CHD5: variants seen among roughly 807,000 people sequenced by gnomAD.
CHD5 encodes chromodomain helicase DNA binding protein 5, also known as ATP-dependent chromatin remodeler CHD5.
CHD5 carries 69 observed loss-of-function variants against 230.3 expected under a neutral mutation model. The ratio of observed to expected loss-of-function variants is 0.30; its 90% CI spans 0.25 to 0.37. The LOEUF is 0.37. Among genes scored for constraint, CHD5 ranks in the 10% least tolerant of loss-of-function variants. The probability of loss-of-function intolerance (pLI) is 1.00; values close to 1 mark genes in which losing one functional copy is unlikely to be tolerated. For synonymous variants in CHD5, 1,064 were observed against 1,065.9 expected, an observed-to-expected ratio of 1.00 and a Z score of 0.03; for missense variants, 1,827 against 2,622.8, an observed-to-expected ratio of 0.70 and a Z score of 6.63.
chr1:6,149,894 T>G (rs1414389293), intron 7 of CHD5, among the ~76,000 whole-genome samples: 2 of 146,818 alleles, frequency 1.4e-5, no homozygotes, highest in African/African-American at 5.1e-5. Flanking sequence ...GATGGATAGA[T>G]GGATGTATAG....
chr1:6,146,466 ATGGTCCCC>A lies in CHD5; in HGVS notation c.1591-51_1591-44del, dbSNP rs754047083. On this transcript the variant is annotated intron_variant, in intron 10 of 41. Coordinates refer to ENST00000262450, the MANE Select transcript of CHD5 (RefSeq NM_015557.3). This position sits in a 1 kb window ranked among gnomAD's most constrained non-coding sequence, Gnocchi z 5.1. ...CAAAGTCACAGAAGGGAGATGGGCC[ATGGTCCCC>A]TGCATCTCCCTACCCAGCTCCTCTA... 6.4e-7 allele frequency: 1 copy of A among 1,573,698 alleles called. No homozygotes were observed. The highest frequency in any genetic ancestry group is 8.7e-7 in the Non-Finnish European group (1 of 1,148,068).
chr1:6,160,959 T>C (rs114037273), intron 2 of CHD5, among the ~76,000 whole-genome samples: 3,364 of 152,318 alleles, frequency 0.022, 127 homozygotes, highest in African/African-American at 0.076. Context: ...CGGGCAGCAC[T>C]GCCATGATCC....
In CHD5 at chr1:6,105,480, A is replaced by G; in HGVS notation, c.*47-53T>C. ...CAGGTGGGCAGTTATAGGGGGCATC[A>G]GGGTGGCACCCAACAGCCTGTAGCT... On this transcript the variant is annotated intron_variant, in intron 41 of 41. Coordinates refer to ENST00000262450, the MANE Select transcript of CHD5 (RefSeq NM_015557.3). The surrounding 1 kb of genome is among the most constrained non-coding windows in gnomAD (Gnocchi z 4.8). 2.2e-6 allele frequency: 1 copy of G among 456,036 alleles called. No individual in the cohort carries two copies. Among genetic ancestry groups the G allele is most frequent in the South Asian group, 1.6e-5 (1 of 62,234 alleles). 28.2% of individuals were successfully genotyped at this position (456,036 alleles called of 1,614,324 possible).
Position 6,106,439 on chromosome 1 carries a change from C to A in CHD5, c.5813G>T (p.Gly1938Val). Residue 1938 changes from glycine to valine, a missense_variant, in exon 40 of 42, where the codon GGG becomes GTG. Gly to Val is a moderately radical substitution (Grantham distance 109). This residue lies in a region of CHD5 where 208 missense variants were observed against 302.0 expected (regional missense o/e 0.69). Transcript: ENST00000262450. ...GPNFRGPGPGGIVNYNQMPLG... is the reference protein window; with the variant it reads ...GPNFRGPGPGVIVNYNQMPLG... ...GGGCATCTGGTTGTAGTTGACAATCCCTCCCGGTCCAGGGCCCCGGAAGTT... is the reference window on the plus strand; with the variant it reads ...GGGCATCTGGTTGTAGTTGACAATCACTCCCGGTCCAGGGCCCCGGAAGTT... The A allele has an allele frequency of 6.3e-7, 1 of 1,576,010 alleles. No homozygotes were observed. The highest frequency in any genetic ancestry group is 8.6e-7 in the Non-Finnish European group (1 of 1,161,272).
intron 3 of CHD5, among the ~76,000 whole-genome samples, chr1:6,158,607 A>C (rs1667115146): frequency 6.6e-6 from 1 of 151,558 alleles, no homozygotes. Flanking sequence ...CAGCCTGGAC[A>C]ACAGAGCAAA....
rs905332353 is a variant in CHD5, at chr1:6,105,056, G to A, written c.*418C>T. 13 of 297,832 alleles carry A rather than the reference G, an allele frequency of 4.4e-5. No homozygotes were observed. Among genetic ancestry groups the A allele is most frequent in the Middle Eastern group, 1.3e-3 (1 of 792 alleles). The allele number at this position is 297,832 out of a possible 1,614,324, so 18.4% of individuals were successfully genotyped here. A position where few individuals can be genotyped will look rare whatever the true frequency, so the allele number is the denominator to read the frequency against. On this transcript the variant is annotated 3_prime_UTR_variant, in exon 42 of 42. Coordinates refer to ENST00000262450, the MANE Select transcript of CHD5 (RefSeq NM_015557.3). This position sits in a 1 kb window ranked among gnomAD's most constrained non-coding sequence, Gnocchi z 4.8. ...GACTACCTTGGGTCTGGAACCCATC[G>A]GTAAAGAGACATCAGTGCTGCAGGT...
chr1:6,131,263 T>C lies in CHD5; in HGVS notation c.3262+368A>G, dbSNP rs1666652833. Among the ~76,000 whole-genome samples the C allele has an allele frequency of 6.6e-6, 1 of 152,114 alleles. No homozygotes were observed. The highest frequency in any genetic ancestry group is 6.5e-5 in the Admixed American group (1 of 15,272). On this transcript the variant is annotated intron_variant, in intron 21 of 41. Coordinates refer to ENST00000262450, the MANE Select transcript of CHD5 (RefSeq NM_015557.3). The surrounding 1 kb of genome is among the most constrained non-coding windows in gnomAD (Gnocchi z 5.0). ...TGTGTGGCCCAGCCCTTTCACTCTC[T>C]CCTGCCTCTGGAAGTGGCCCCAGGT...
intron 6 of CHD5, among the ~76,000 whole-genome samples, chr1:6,151,708 G>A (rs1667011033): frequency 6.6e-6 from 1 of 152,236 alleles, no homozygotes; most frequent in African/African-American, 2.4e-5. Flanking sequence ...CAGCTCCAGG[G>A]CGGGCCACAC....
Position 6,125,095 on chromosome 1 carries a change from T to C in CHD5, c.4394+5A>G, listed in dbSNP as rs1571146092. Reference sequence around the variant, plus strand: ...ACACCCTGGGCCACCACCTAGCCCCTTTACCTAAACTCCTTCTCGCTCTTC... The same window carrying C: ...ACACCCTGGGCCACCACCTAGCCCCCTTACCTAAACTCCTTCTCGCTCTTC... On this transcript the variant is annotated splice_donor_5th_base_variant and intron_variant, in intron 29 of 41. Coordinates refer to ENST00000262450, the MANE Select transcript of CHD5 (RefSeq NM_015557.3). This position sits in a 1 kb window ranked among gnomAD's most constrained non-coding sequence, Gnocchi z 6.7. 1.9e-6 allele frequency: 3 copies of C among 1,580,078 alleles called. No homozygotes were observed. Among genetic ancestry groups the C allele is most frequent in the African/African-American group, 1.3e-5 (1 of 74,308 alleles).
rs1339961139 is a variant in CHD5, at chr1:6,143,687, G to A, written c.2043+136C>T. 4 of 754,904 alleles carry A rather than the reference G, an allele frequency of 5.3e-6. No homozygotes were observed. In the East Asian group the frequency reaches 1.1e-4, roughly 20 times the overall value. 46.8% of individuals were successfully genotyped at this position (754,904 alleles called of 1,614,324 possible). ...CCTTCCAGCTGTCCTAGCCTACATG[G>A]GCATGACACTGTCTGCATAAGCCAT... On this transcript the variant is annotated intron_variant, in intron 13 of 41. Coordinates refer to ENST00000262450, the MANE Select transcript of CHD5 (RefSeq NM_015557.3).
At chr1:6,136,427 G>T in intron 17 of CHD5, 90 bp downstream of exon 17, 1 of 1,466,280 alleles carries the variant, frequency 6.8e-7, no homozygotes, top group Non-Finnish European at 9.4e-7. Flanking sequence ...CGGCCGAGCA[G>T]GTCTCACAGC....
At position 6,142,553 on chromosome 1, in the gene CHD5, G is replaced by C. The variant is rs201805131; in HGVS notation, c.2096C>G (p.Thr699Arg). 2 of 1,614,078 alleles carry C rather than the reference G, an allele frequency of 1.2e-6. No individual in the cohort carries two copies. Among genetic ancestry groups the C allele is most frequent in the Non-Finnish European group, 1.7e-6 (2 of 1,180,042 alleles). Residue 699 changes from threonine (T) to arginine (R), a missense_variant, in exon 14 of 42, where the codon ACA (threonine) becomes AGA (arginine). Thr to Arg is a moderately conservative substitution (Grantham distance 71, BLOSUM62 -1). This residue lies in a region of CHD5 where 37 missense variants were observed against 105.7 expected (regional missense o/e 0.35). Transcript: ENST00000262450. The surrounding 1 kb of genome is among the most constrained non-coding windows in gnomAD (Gnocchi z 5.2). ...QPWYIDSTGG[T>R]LHPYQLEGLN... The stretch of plus-strand genomic sequence containing the variant: ...GCCCTCCAGCTGGTACGGGTGCAGT[G>C]TGCCGCCTGTGGAGTCGATGTACCA...
intron 33 of CHD5, among the ~76,000 whole-genome samples, chr1:6,119,247 C>T (rs1284872808): frequency 1.3e-5 from 2 of 151,886 alleles, no homozygotes; most frequent in Non-Finnish European, 2.9e-5. Flanking sequence ...TACTGGCGCT[C>T]GCCACCATGC....
At chr1:6,140,224 A>C (rs2100855358) in intron 15 of CHD5, among the ~76,000 whole-genome samples, 1 of 152,156 alleles carries the variant, frequency 6.6e-6, no homozygotes, top group Non-Finnish European at 1.5e-5. Context: ...AACATGTGAA[A>C]CCCAGTCTCT....
rs752864729 is a variant in CHD5, at chr1:6,155,622, G to A, written c.483C>T (p.Tyr161=). The A allele has an allele frequency of 6.2e-6, 10 of 1,613,932 alleles. No homozygotes were observed. The South Asian group carries it at 9.9e-5, about 16-fold the overall frequency. ...ACCTGAGGAACTGGCTGAAGGCCTT[G>A]TAGTTGGTCAGCGTGTGGTAATCCT... ...SEEDYHTLTN[Y]KAFSQFLRPL... The change falls in exon 4 of 42, where the codon TAC becomes TAT. Residue 161 remains tyrosine (Y), a synonymous_variant. Transcript: ENST00000262450. The surrounding 1 kb of genome is among the most constrained non-coding windows in gnomAD (Gnocchi z 4.0).
intron 1 of CHD5, among the ~76,000 whole-genome samples, chr1:6,171,379 C>T (rs779814309): frequency 2.6e-5 from 4 of 152,180 alleles, no homozygotes; most frequent in Admixed American, 6.5e-5. Context: ...TGAGAAGGCT[C>T]TGGAACTGGC....
chr1:6,106,293 A>C lies in CHD5; in HGVS notation c.5858-6T>G, dbSNP rs1430732648. The C allele has an allele frequency of 1.2e-6, 2 of 1,612,742 alleles. No homozygotes were observed. The highest frequency in any genetic ancestry group is 3.3e-5 in the Admixed American group (2 of 60,024). On this transcript the variant is annotated splice_polypyrimidine_tract_variant and splice_region_variant and intron_variant, in intron 40 of 41. Transcript: ENST00000262450. ...TCTCGAGGACGGCTAGATATCTGTC[A>C]AAAAAAGAGGAGAGCCGGGCTTGCC... is the stretch of plus-strand genomic sequence containing the variant.
At chr1:6,141,005 T>A (rs932155422) in intron 15 of CHD5, among the ~76,000 whole-genome samples, 2 of 109,052 alleles carry the variant, frequency 1.8e-5, no homozygotes, top group African/African-American at 7.3e-5. Context: ...AATAATAGGC[T>A]GAGCGTGGTG....
intron 31 of CHD5, 149 bp downstream of exon 31, chr1:6,123,799 A>C: frequency 3.9e-6 from 2 of 518,996 alleles, no homozygotes; most frequent in Non-Finnish European, 6.4e-6. Flanking sequence ...AAAATGGAAA[A>C]CTCTCTGTAG....
Sources: gnomAD v4.1 joint callset for allele counts (sites outside exome capture counted in the v4.1 genomes callset) on GRCh38, gnomAD v4.1.1 for gene constraint, gnomAD v4.1.1 regional missense constraint, Gnocchi (gnomAD v3.1) non-coding constraint, MANE v1.5 for transcripts, NCBI Gene and HGNC (gene_info 2026-07-23, HGNC 2026-07-21) for gene names.